TMEM45B: variants seen among roughly 807,000 people sequenced by gnomAD.
TMEM45B encodes transmembrane protein 45B.
Under a neutral mutation model 27.3 loss-of-function variants are expected in TMEM45B, and 29 were observed. The observed-to-expected ratio is 1.06, with a 90% CI of 0.79 to 1.45. The LOEUF is 1.45. TMEM45B is among the 40% of genes most tolerant of loss of function. TMEM45B has a pLI of 0.00. For missense variants in TMEM45B, 348 were observed against 343.9 expected, an observed-to-expected ratio of 1.01 and a Z score of -0.09; for synonymous variants, 143 against 134.7, an observed-to-expected ratio of 1.06 and a Z score of -0.43.
At chr11:129,842,338 A>G (rs1409372311) in intron 1 of TMEM45B, among the ~76,000 whole-genome samples, 1 of 152,232 alleles carries the variant, frequency 6.6e-6, no homozygotes, top group East Asian at 1.9e-4. Flanking sequence ...AAAAACACAA[A>G]GAGAACCACA....
chr11:129,832,125 C>T (rs1210314337), intron 1 of TMEM45B, among the ~76,000 whole-genome samples: 1 of 146,276 alleles, frequency 6.8e-6, no homozygotes, highest in Non-Finnish European at 1.5e-5. Context: ...AATCCCAGCA[C>T]TTTGGGATGC....
intron 4 of TMEM45B, among the ~76,000 whole-genome samples, chr11:129,856,240 C>G (rs1947922699): frequency 6.6e-6 from 1 of 152,156 alleles, no homozygotes; most frequent in Non-Finnish European, 1.5e-5. Context: ...TTGAGAGAGA[C>G]TCACCCTGTC....
intron 3 of TMEM45B, 119 bp downstream of exon 3, chr11:129,854,935 T>A: frequency 8.1e-7 from 1 of 1,240,538 alleles, no homozygotes; most frequent in South Asian, 1.4e-5. Context: ...AAAATCCACA[T>A]CTCTGGACTG....
intron 1 of TMEM45B, among the ~76,000 whole-genome samples, chr11:129,829,457 G>A (rs1241467001): frequency 6.6e-6 from 1 of 152,180 alleles, no homozygotes; most frequent in Non-Finnish European, 1.5e-5. Flanking sequence ...AAAATTTTAA[G>A]ATTTAATGCA....
At position 129,823,187 on chromosome 11, in the gene TMEM45B, T is replaced by G. The variant is rs141044264; in HGVS notation, c.-9+7289T>G. Among the ~76,000 whole-genome samples, 858 of 152,310 alleles carry G rather than the reference T, an allele frequency of 5.6e-3. 13 individuals carry two copies. The highest frequency in any genetic ancestry group is 0.019 in the African/African-American group (804 of 41,566). ...TCTAGAATTTGGGACAGAATTTCTGTCCTTGAAGGTCACCCTCCAAATCCA... is the reference window on the plus strand; with the variant it reads ...TCTAGAATTTGGGACAGAATTTCTGGCCTTGAAGGTCACCCTCCAAATCCA... On this transcript the variant is annotated intron_variant, in intron 1 of 5. Coordinates refer to ENST00000281441, the MANE Select transcript of TMEM45B (RefSeq NM_138788.5).
chr11:129,833,707 G>A (rs760482126), intron 1 of TMEM45B, among the ~76,000 whole-genome samples: 7 of 152,036 alleles, frequency 4.6e-5, no homozygotes, highest in African/African-American at 9.7e-5. Flanking sequence ...CCCAGAAGGC[G>A]GAGGTTGCAG....
intron 1 of TMEM45B, among the ~76,000 whole-genome samples, chr11:129,844,378 G>T (rs1947732202): frequency 6.6e-6 from 1 of 152,142 alleles, no homozygotes; most frequent in African/African-American, 2.4e-5. Context: ...GTACAGGAGG[G>T]TGACTATCAT....
intron 1 of TMEM45B, among the ~76,000 whole-genome samples, chr11:129,841,635 C>T (rs1161589417): frequency 6.0e-5 from 9 of 149,012 alleles, no homozygotes; most frequent in African/African-American, 1.7e-4. Context: ...CTCTGTCGCC[C>T]GCCCAGGCTG....
At chr11:129,824,416 T>C (rs1466864424) in intron 1 of TMEM45B, among the ~76,000 whole-genome samples, 1 of 152,200 alleles carries the variant, frequency 6.6e-6, no homozygotes, top group Non-Finnish European at 1.5e-5. Context: ...AAATTGATAC[T>C]CCAGGATTAT....
chr11:129,826,808 C>T (rs1434012360), intron 1 of TMEM45B, among the ~76,000 whole-genome samples: 5 of 150,938 alleles, frequency 3.3e-5, no homozygotes, highest in Non-Finnish European at 7.4e-5. Flanking sequence ...CCTGGGTTCA[C>T]GCCATTCTCC....
chr11:129,851,553 A>AAAAAAAAAAAAAAAAAAAAAAAAAAAC (rs1947847175), intron 1 of TMEM45B, among the ~76,000 whole-genome samples: 2 of 143,184 alleles, frequency 1.4e-5, no homozygotes, highest in Non-Finnish European at 3.1e-5. Context: ...CAAAAAAAAA[A>AAAAAAAAAAAAAAAAAAAAAAAAAAAC]AAAAAGTCCC....
At position 129,858,673 on chromosome 11, in the gene TMEM45B, A is replaced by G. The variant is rs1947965549; in HGVS notation, c.816A>G (p.Ser272=). The change falls in exon 6 of 6, where the codon TCA becomes TCG. Residue 272 remains serine (S), a synonymous_variant. Transcript: ENST00000281441. ...ACCAGACCGCCCTCTTGAGTGGCTCAGATGAGGAATGAGCCGAGATGCGGA... is the reference window on the plus strand; with the variant it reads ...ACCAGACCGCCCTCTTGAGTGGCTCGGATGAGGAATGAGCCGAGATGCGGA... ...DTYQTALLSG[S]DEE 4 of 1,560,918 alleles carry G rather than the reference A, an allele frequency of 2.6e-6. No homozygotes were observed. The South Asian group carries it at 4.7e-5, about 18-fold the overall frequency.
chr11:129,857,612 G>C, intron 5 of TMEM45B, 154 bp downstream of exon 5: 1 of 817,290 alleles, frequency 1.2e-6, no homozygotes, highest in African/African-American at 1.7e-5. Flanking sequence ...TTGCAAACAA[G>C]GGGAATGAGG....
At chr11:129,838,314 G>A (rs1040231678) in intron 1 of TMEM45B, among the ~76,000 whole-genome samples, 18 of 152,048 alleles carry the variant, frequency 1.2e-4, no homozygotes, top group South Asian at 2.1e-4. Context: ...CAGTGTCCCC[G>A]GTCTCCACCC....
At chr11:129,839,665 G>A (rs555528461) in intron 1 of TMEM45B, among the ~76,000 whole-genome samples, 1 of 151,936 alleles carries the variant, frequency 6.6e-6, no homozygotes, top group African/African-American at 2.4e-5. Context: ...TCAGCCTCCC[G>A]AGTAGCTTGG....
At chr11:129,820,485 G>A (rs1190874634) in intron 1 of TMEM45B, among the ~76,000 whole-genome samples, 2 of 152,140 alleles carry the variant, frequency 1.3e-5, no homozygotes, top group Admixed American at 1.3e-4. Flanking sequence ...TTACTAAAAA[G>A]CAATGGGTAA....
At chr11:129,852,701 A>G (rs755954262) in intron 2 of TMEM45B, 41 bp downstream of exon 2, 22 of 1,564,710 alleles carry the variant, frequency 1.4e-5, no homozygotes, top group Non-Finnish European at 1.7e-5. Flanking sequence ...TCTCCTCATC[A>G]TACCCAGAAC....
intron 3 of TMEM45B, 114 bp from the exon 4 acceptor site, chr11:129,855,594 T>C: frequency 1.0e-6 from 1 of 988,414 alleles, no homozygotes; most frequent in Non-Finnish European, 1.6e-6. Context: ...CCTGTAATGT[T>C]ATGTACTAAC....
intron 5 of TMEM45B, 125 bp from the exon 6 acceptor site, chr11:129,858,449 T>G: frequency 1.6e-6 from 1 of 613,890 alleles, no homozygotes; most frequent in Non-Finnish European, 2.8e-6. Flanking sequence ...TTTATAGACA[T>G]GTAATCACAG....
Sources: gnomAD v4.1 joint callset for allele counts (sites outside exome capture counted in the v4.1 genomes callset) on GRCh38, gnomAD v4.1.1 for gene constraint, MANE v1.5 for transcripts, NCBI Gene and HGNC (gene_info 2026-07-23, HGNC 2026-07-21) for gene names.